Variants in BCOR observed in about 807,000 individuals in gnomAD.
The protein encoded by BCOR is BCL-6 corepressor.
In BCOR, 10 loss-of-function variants were observed where a neutral mutation model predicts 86.7. That is an observed-to-expected ratio of 0.12 (90% CI 0.07 to 0.20). BCOR has a LOEUF of 0.20. Among genes scored for constraint, BCOR ranks in the 10% least tolerant of loss-of-function variants. The probability of loss-of-function intolerance (pLI) is 1.00; values close to 1 mark genes in which losing one functional copy is unlikely to be tolerated. For synonymous variants in BCOR, 611 were observed against 609.0 expected, an observed-to-expected ratio of 1.00 and a Z score of -0.05; for missense variants, 1,259 against 1,452.1, an observed-to-expected ratio of 0.87 and a Z score of 2.16.
chrX:40,088,329 C>T (rs186236662), intron 1 of BCOR, among the ~76,000 whole-genome samples: 1 of 112,799 alleles, frequency 8.9e-6, no homozygotes, highest in Non-Finnish European at 1.9e-5. Context: ...CGGGGGGAAA[C>T]TGCTGGCCTG....
At chrX:40,129,773 C>T (rs1406731367) in intron 1 of BCOR, among the ~76,000 whole-genome samples, 1 of 110,789 alleles carries the variant, frequency 9.0e-6, no homozygotes, top group Non-Finnish European at 1.9e-5. Context: ...GGTGCGGTGG[C>T]TCACGCCTGT....
rs756439395 is a variant in BCOR, at chrX:40,173,846, T to G, written c.-41+3161A>C. Reference sequence around the variant, plus strand: ...TGGCCAAAAGCCATGTCCTCTGGGATGTACTTTGGTCTAACACTGGTGCAG... The same window carrying G: ...TGGCCAAAAGCCATGTCCTCTGGGAGGTACTTTGGTCTAACACTGGTGCAG... On this transcript the variant is annotated intron_variant, in intron 1 of 14. Transcript: ENST00000342274. Among the ~76,000 whole-genome samples the G allele has an allele frequency of 3.9e-4, 44 of 112,950 alleles. 2 individuals are homozygous for G. The highest frequency in any genetic ancestry group is 3.9e-3 in the Admixed American group (42 of 10,782).
chrX:40,064,039 G>T (rs1176576108), intron 7 of BCOR, 87 bp from the exon 8 acceptor site: 7 of 634,257 alleles, frequency 1.1e-5, no homozygotes, highest in African/African-American at 2.3e-5. Context: ...GTGGGGGAGG[G>T]GGGGTGTGGT....
intron 1 of BCOR, among the ~76,000 whole-genome samples, chrX:40,122,925 C>T (rs780782649): frequency 3.6e-5 from 4 of 111,609 alleles, no homozygotes; most frequent in South Asian, 3.8e-4. Context: ...ACCACTGCCC[C>T]GGGCCTGCCT....
upstream of BCOR, among the ~76,000 whole-genome samples, chrX:40,097,993 T>G (rs1280278650): frequency 1.2e-5 from 1 of 82,179 alleles, no homozygotes. Flanking sequence ...GCGTCCCCCC[T>G]CCCTGGTTCC....
chrX:40,159,455 T>TC (rs1938367040), intron 1 of BCOR, among the ~76,000 whole-genome samples: 1 of 113,062 alleles, frequency 8.8e-6, no homozygotes, highest in Non-Finnish European at 1.9e-5. Context: ...CACGCCATTT[T>TC]CCTGCCTCGG....
intron 11 of BCOR, 38 bp downstream of exon 11, chrX:40,057,117 T>C (rs1264434372): frequency 8.3e-7 from 1 of 1,204,310 alleles, no homozygotes; most frequent in Non-Finnish European, 1.1e-6. Context: ...AAGCTTGGTC[T>C]CAGCAGAGCC....
Position 40,074,191 on chromosome X carries a change from C to G in BCOR, c.1155G>C (p.Ala385=), listed in dbSNP as rs398124311. The G allele has an allele frequency of 8.2e-7, 1 of 1,212,166 alleles. No individual in the cohort carries two copies. The highest frequency in any genetic ancestry group is 1.8e-5 in the South Asian group (1 of 57,000). The change falls in exon 4 of 15, where the codon GCG becomes GCC. Residue 385 remains alanine (A), a synonymous_variant. Transcript: ENST00000378444. ...GATACTTGCCATTGGAGAGCCTGGC[C>G]GCGGGGAACTCGCTGCTAACTGTCA... ...PYMTVSSEFP[A]ARLSNGKYPK...
At chrX:40,176,596 C>G (rs1359508726) in intron 1 of BCOR, among the ~76,000 whole-genome samples, 3 of 112,520 alleles carry the variant, frequency 2.7e-5, no homozygotes, top group Non-Finnish European at 5.7e-5. Context: ...CCCCCGCCCC[C>G]CAACGATTCC....
intron 1 of BCOR, among the ~76,000 whole-genome samples, chrX:40,103,294 G>A (rs975566277): frequency 1.8e-5 from 2 of 111,571 alleles, no homozygotes; most frequent in African/African-American, 6.5e-5. Context: ...GCGTGGAGGG[G>A]AAACGCCATG....
intron 1 of BCOR, among the ~76,000 whole-genome samples, chrX:40,084,072 C>T (rs1936238962): frequency 8.9e-6 from 1 of 112,188 alleles, no homozygotes; most frequent in African/African-American, 3.2e-5. Context: ...CATACTAGAG[C>T]GCTGCTCCTC....
chrX:40,062,623 G>A (rs2147025753), intron 9 of BCOR, 123 bp downstream of exon 9: 1 of 774,501 alleles, frequency 1.3e-6, no homozygotes, highest in African/African-American at 2.1e-5. Context: ...TAGGACAGGG[G>A]AGTGACGTGT....
intron 1 of BCOR, among the ~76,000 whole-genome samples, chrX:40,109,871 G>C (rs1483880940): frequency 8.9e-6 from 1 of 111,759 alleles, no homozygotes; most frequent in African/African-American, 3.2e-5. Context: ...GAGGGGGAGA[G>C]GGGAGCGCGG....
At chrX:40,154,557 TC>T (rs1187606236) in intron 1 of BCOR, among the ~76,000 whole-genome samples, 3 of 85,052 alleles carry the variant, frequency 3.5e-5, no homozygotes, top group Non-Finnish European at 7.2e-5. Flanking sequence ...CAGCCTCCCC[TC>T]CCCCACCTCG....
At chrX:40,161,802 C>T (rs755609854) in intron 1 of BCOR, among the ~76,000 whole-genome samples, 2 of 112,175 alleles carry the variant, frequency 1.8e-5, no homozygotes, top group East Asian at 5.6e-4. Context: ...CATGAGCCAC[C>T]GCGCCTAGCC....
At chrX:40,132,013 G>A (rs975292325) in intron 1 of BCOR, among the ~76,000 whole-genome samples, 1 of 112,119 alleles carries the variant, frequency 8.9e-6, no homozygotes, top group Non-Finnish European at 1.9e-5. Flanking sequence ...GTAAGACAAA[G>A]GCAGAAGAAG....
intron 6 of BCOR, among the ~76,000 whole-genome samples, chrX:40,070,094 A>G (rs769789738): frequency 9.0e-6 from 1 of 110,925 alleles, no homozygotes; most frequent in Non-Finnish European, 1.9e-5. Flanking sequence ...GTGAATGTCA[A>G]ACCTCCGACG....
In BCOR at chrX:40,064,659, G is replaced by C. The variant is rs748421224; in HGVS notation, c.3239-60C>G. 1.2e-4 allele frequency: 143 copies of C among 1,168,848 alleles called. No homozygotes were observed. The African/African-American group carries it at 2.1e-3, about 17-fold the overall frequency. Reference sequence around the variant, plus strand: ...CCCGAAGGTCGCCATGAGAAGGCAGGATCTGGGGAGTGCGTGGGACCACCA... The same window carrying C: ...CCCGAAGGTCGCCATGAGAAGGCAGCATCTGGGGAGTGCGTGGGACCACCA... On this transcript the variant is annotated intron_variant, in intron 6 of 14. Coordinates refer to ENST00000378444, the MANE Select transcript of BCOR (RefSeq NM_001123385.2).
At chrX:40,100,699 CA>C (rs1223252222), upstream of BCOR, among the ~76,000 whole-genome samples, 69 of 36,151 alleles carry the variant, frequency 1.9e-3, no homozygotes, top group Admixed American at 2.8e-3. Flanking sequence ...AACTCCGTCT[CA>C]AAAAAAAAAA....
Sources: gnomAD v4.1 joint callset for allele counts (sites outside exome capture counted in the v4.1 genomes callset) on GRCh38, gnomAD v4.1.1 for gene constraint, MANE v1.5 for transcripts, NCBI Gene and HGNC (gene_info 2026-07-23, HGNC 2026-07-21) for gene names.